The following IKZF4 variants were observed in gnomAD, a reference collection of about 807,000 sequenced individuals.
The protein encoded by IKZF4 is zinc finger protein Eos.
A neutral mutation model predicts 47.7 loss-of-function variants in IKZF4; 11 were observed. That is an observed-to-expected ratio of 0.23 (90% confidence interval 0.15 to 0.38). The LOEUF (loss-of-function observed/expected upper bound fraction) is 0.38. Among genes scored for constraint, IKZF4 ranks in the 10% least tolerant of loss-of-function variants. The pLI is 1.00. For missense variants in IKZF4, 557 were observed against 784.9 expected (o/e 0.71, Z 3.47); for synonymous variants, 298 against 299.4 (o/e 1.00, Z 0.05).
intron 2 of IKZF4, among the ~76,000 whole-genome samples, chr12:56,024,122 A>G (rs1300890896): frequency 6.6e-6 from 1 of 152,182 alleles, no homozygotes; most frequent in Non-Finnish European, 1.5e-5. Flanking sequence ...ATGTTATCTG[A>G]TTTTGAAAAA....
At position 56,021,389 on chromosome 12, in the gene IKZF4, T is replaced by C. The variant is rs866708958; in HGVS notation, c.-105T>C. The C allele has an allele frequency of 1.3e-6, 2 of 1,549,574 alleles. No homozygotes were observed. The highest frequency in any genetic ancestry group is 1.7e-6 in the Non-Finnish European group (2 of 1,146,976). The stretch of plus-strand genomic sequence containing the variant: ...CGTGGGCCTCTGCTCACCGTGCCGC[T>C]GCTGCTGCCTGCGAAATGACGGCGG... On this transcript the variant is annotated 5_prime_UTR_variant, in exon 1 of 8. Coordinates refer to ENST00000547167, the MANE Select transcript of IKZF4 (RefSeq NM_022465.4).
At position 56,037,665 on chromosome 12, in the gene IKZF4, A is replaced by C. The variant is rs1895732126; in HGVS notation, c.*2334A>C. The C allele has an allele frequency of 6.6e-6, 1 of 152,646 alleles. No homozygotes were observed. The highest frequency in any genetic ancestry group is 2.4e-5 in the African/African-American group (1 of 41,434). 9.5% of individuals were successfully genotyped at this position (152,646 alleles called of 1,614,324 possible). On this transcript the variant is annotated 3_prime_UTR_variant, in exon 8 of 8. Coordinates refer to ENST00000547167, the MANE Select transcript of IKZF4 (RefSeq NM_022465.4). ...GGCTATACTCTGTGCCCATGAGAGC[A>C]GAGACTGGAAGGGCAAGACCAGGTG...
Position 56,034,808 on chromosome 12 carries a change from G to C in IKZF4, c.1235G>C (p.Arg412Pro). Residue 412 changes from arginine (R) to proline (P), a missense_variant, in exon 8 of 8, where the codon CGA becomes CCA. Around this residue, in one of 6 missense-constraint regions of IKZF4, gnomAD observed 280 missense variants for 314.0 expected, o/e 0.89. Coordinates refer to ENST00000547167, the MANE Select transcript of IKZF4 (RefSeq NM_022465.4). ...VYTQMQPLPGRLELPGSREAG... is the reference protein window; with the variant it reads ...VYTQMQPLPGPLELPGSREAG... ...ACCCAGATGCAGCCCCTCCCTGGTC[G>C]ACTGGAGCTTCCAGGATCCCGAGAA... The C allele has an allele frequency of 3.7e-6, 6 of 1,613,992 alleles. No individual in the cohort carries two copies. The highest frequency in any genetic ancestry group is 4.2e-6 in the Non-Finnish European group (5 of 1,179,890).
chr12:56,007,692 T>C (rs1890866237), exon 1 of IKZF4: 2 of 151,490 alleles, frequency 1.3e-5, no homozygotes, highest in Middle Eastern at 6.4e-3. Context: ...CTGTCCCCTC[T>C]CCCCAACCCC....
intron 5 of IKZF4, among the ~76,000 whole-genome samples, chr12:56,028,211 G>A (rs986304639): frequency 2.0e-5 from 3 of 151,988 alleles, no homozygotes; most frequent in Admixed American, 6.5e-5. Context: ...AAAGGAATAG[G>A]AGCAATGTTC....
At position 56,021,445 on chromosome 12, in the gene IKZF4, T is replaced by C; in HGVS notation, c.-49T>C. On this transcript the variant is annotated 5_prime_UTR_variant, in exon 1 of 8. Coordinates refer to ENST00000547167, the MANE Select transcript of IKZF4 (RefSeq NM_022465.4). ...CTCACTTCCAGGAATCCACGCTTCC[T>C]GGAAGGTGAGTGGCTGGGCTCACCC... The C allele has an allele frequency of 1.3e-6, 2 of 1,558,628 alleles. No homozygotes were observed. Among genetic ancestry groups the C allele is most frequent in the Non-Finnish European group, 1.7e-6 (2 of 1,151,816 alleles).
chr12:56,015,068 C>A (rs1891844567), intron 2 of IKZF4, among the ~76,000 whole-genome samples: 1 of 152,090 alleles, frequency 6.6e-6, no homozygotes, highest in African/African-American at 2.4e-5. Flanking sequence ...TCAAGTGGCA[C>A]TTTGTGGGCT....
intron 3 of IKZF4, 49 bp from the exon 4 acceptor site, chr12:56,026,732 A>G (rs1257698167): frequency 4.3e-6 from 6 of 1,389,048 alleles, no homozygotes; most frequent in Non-Finnish European, 4.7e-6. Context: ...GCCTGGGAGC[A>G]GCTTCCCCCT....
intron 2 of IKZF4, chr12:56,024,799 G>T: frequency 7.5e-7 from 1 of 1,329,690 alleles, no homozygotes. Context: ...TGGACGTCAG[G>T]CAGTGATGCT....
Position 56,034,584 on chromosome 12 carries a change from G to A in IKZF4, c.1011G>A (p.Met337Ile), listed in dbSNP as rs769807166. The A allele has an allele frequency of 1.1e-5, 17 of 1,607,068 alleles. No homozygotes were observed. In the Admixed American group the frequency reaches 2.2e-4, roughly 21 times the overall value. ...TGTTCTCCACAGGCGAAAAGCAGAT[G>A]CGCTTCAGCCTCTCAGACCTCCCCT... is the stretch of plus-strand genomic sequence containing the variant. ...TPQKFVGEKQ[M>I]RFSLSDLPYD... The change falls in exon 8 of 8, where the codon ATG becomes ATA. Residue 337 changes from methionine (M) to isoleucine (I), a missense_variant. This residue lies in a region of IKZF4 where 280 missense variants were observed against 314.0 expected (regional missense o/e 0.89). Coordinates refer to ENST00000547167, the MANE Select transcript of IKZF4 (RefSeq NM_022465.4).
At chr12:56,013,056 G>T (rs1164231894) in intron 2 of IKZF4, among the ~76,000 whole-genome samples, 1 of 152,098 alleles carries the variant, frequency 6.6e-6, no homozygotes, top group Admixed American at 6.5e-5. Context: ...AGATTACAAT[G>T]ACCAGCGTTT....
At chr12:56,032,058 G>T (rs1352842218) in intron 5 of IKZF4, among the ~76,000 whole-genome samples, 2 of 152,070 alleles carry the variant, frequency 1.3e-5, no homozygotes, top group Admixed American at 1.3e-4. Context: ...AGATCTAAGG[G>T]CTCTCATTTC....
rs768036117 is a variant in IKZF4 at position 56,035,309 on chromosome 12, G to A, written c.1736G>A (p.Arg579Gln). ...TACGAATTCTCTTCCCACATTGTCC[G>A]GGGGGAGCATAAGGTGGGCTAGCAA... ...DRYEFSSHIV[R>Q]GEHKVG Residue 579 changes from arginine (R) to glutamine (Q), a missense_variant, in exon 8 of 8, where the codon CGG becomes CAG. Coordinates refer to ENST00000547167, the MANE Select transcript of IKZF4 (RefSeq NM_022465.4). This position sits in a 1 kb window ranked among gnomAD's most constrained non-coding sequence, Gnocchi z 6.1. 1 of 1,611,514 alleles carries A rather than the reference G, an allele frequency of 6.2e-7. No homozygotes were observed. Among genetic ancestry groups the A allele is most frequent in the East Asian group, 2.2e-5 (1 of 44,850 alleles).
chr12:56,031,351 T>C (rs896325108), intron 5 of IKZF4, among the ~76,000 whole-genome samples: 4 of 152,216 alleles, frequency 2.6e-5, no homozygotes, highest in African/African-American at 7.2e-5. Flanking sequence ...AAATATCATA[T>C]GTATCTCATA....
chr12:56,034,686 T>A lies in IKZF4; in HGVS notation c.1113T>A (p.Ser371Arg), dbSNP rs1445438966. ...ACAGCCTAGAGCCTGGCTTTGGAAG[T>A]TCCCTGGCCTTTGTGGGTGCAGAGC... ...AHHSLEPGFG[S>R]SLAFVGAEHL... The change falls in exon 8 of 8, where the codon AGT (serine) becomes AGA (arginine). Residue 371 changes from serine to arginine, a missense_variant. Physicochemically the swap from Ser to Arg is moderately radical, Grantham distance 110. Coordinates refer to ENST00000547167, the MANE Select transcript of IKZF4 (RefSeq NM_022465.4). The A allele has an allele frequency of 1.2e-6, 2 of 1,613,980 alleles. No homozygotes were observed. The highest frequency in any genetic ancestry group is 1.7e-6 in the Non-Finnish European group (2 of 1,179,884).
intron 1 of IKZF4, among the ~76,000 whole-genome samples, chr12:56,022,804 T>TC (rs1343827655): frequency 6.7e-6 from 1 of 148,164 alleles, no homozygotes; most frequent in Non-Finnish European, 1.5e-5. Context: ...TTTCTTTTTT[T>TC]TTTTTTTTTT....
At position 56,021,541 on chromosome 12, in the gene IKZF4, C is replaced by T. The variant is rs762168888; in HGVS notation, c.48C>T (p.Arg16=). The change falls in exon 1 of 8, where the codon CGC becomes CGT. Residue 16 remains arginine (R), a synonymous_variant. Transcript: ENST00000547167. ...ALPRRFQGGG[R]VRTPGSHRQG... ...CTCGCCGTTTCCAAGGCGGCGGCCG[C>T]GTTCGCACCCCAGGGTCTCACCGGC... is the stretch of plus-strand genomic sequence containing the variant. 4.4e-6 allele frequency: 7 copies of T among 1,609,108 alleles called. No individual in the cohort carries two copies. The East Asian group carries it at 6.7e-5, about 15-fold the overall frequency.
At chr12:56,028,038 A>C in intron 5 of IKZF4, 91 bp downstream of exon 5, 1 of 1,350,838 alleles carries the variant, frequency 7.4e-7, no homozygotes, top group Non-Finnish European at 9.8e-7. Flanking sequence ...GGGGAGTTCC[A>C]GTGTCTGTCA....
intron 5 of IKZF4, chr12:56,029,806 T>G (rs1182921329): frequency 6.6e-6 from 1 of 152,192 alleles, no homozygotes; most frequent in Non-Finnish European, 1.5e-5. Context: ...ACATAGCTAT[T>G]CTTCAGCCTA....
Sources: gnomAD v4.1 joint callset for allele counts (sites outside exome capture counted in the v4.1 genomes callset) on GRCh38, gnomAD v4.1.1 for gene constraint, gnomAD v4.1.1 regional missense constraint, Gnocchi (gnomAD v3.1) non-coding constraint, MANE v1.5 for transcripts, NCBI Gene and HGNC (gene_info 2026-07-23, HGNC 2026-07-21) for gene names.